The following BMP1 variants were observed in gnomAD, a reference collection of about 807,000 sequenced individuals.
The protein encoded by BMP1 is mammalian tolloid protein.
In BMP1, 63 loss-of-function variants were observed where a neutral mutation model predicts 116.8. The observed-to-expected ratio is 0.54, with a 90% confidence interval of 0.44 to 0.67. The LOEUF (loss-of-function observed/expected upper bound fraction) is 0.67, where lower values mean the gene tolerates loss of function less well. BMP1 is among the 30% of genes least tolerant of loss of function. BMP1 has a pLI of 0.00. For missense variants in BMP1, 1,183 were observed against 1,358.9 expected (o/e 0.87, Z 2.04); for synonymous variants, 536 against 533.4 (o/e 1.00, Z -0.07).
At chr8:22,199,351 AC>A (rs760342579) in intron 15 of BMP1, 2 of 1,318,780 alleles carry the variant, frequency 1.5e-6, no homozygotes, top group Non-Finnish European at 2.0e-6. Flanking sequence ...CTTCAGTCTG[AC>A]CCCTGCCACC....
intron 15 of BMP1, chr8:22,198,734 T>C (rs924843570): frequency 4.6e-5 from 9 of 195,132 alleles, no homozygotes; most frequent in African/African-American, 2.1e-4. Flanking sequence ...CCTGCACCCC[T>C]GCCTGACCCC....
At chr8:22,166,477 C>T (rs376146198) in intron 1 of BMP1, among the ~76,000 whole-genome samples, 1 of 152,212 alleles carries the variant, frequency 6.6e-6, no homozygotes, top group African/African-American at 2.4e-5. Context: ...GCCAGGCACT[C>T]GGGCCATTTG....
At chr8:22,195,695 G>A (rs1829065390) in intron 13 of BMP1, 108 bp downstream of exon 13, 3 of 1,464,908 alleles carry the variant, frequency 2.0e-6, no homozygotes, top group Non-Finnish European at 2.7e-6. Flanking sequence ...ACCCAGGCTG[G>A]AAGTACAGTG....
At chr8:22,180,578 C>A in intron 8 of BMP1, 95 bp downstream of exon 8, 1 of 1,125,572 alleles carries the variant, frequency 8.9e-7, no homozygotes. Context: ...TGGGTGCCAG[C>A]GACCTACCTG....
rs1475711729 is a variant in BMP1, at chr8:22,176,256, C to T, written c.376C>T (p.Pro126Ser). 1 of 1,613,584 alleles carries T rather than the reference C, an allele frequency of 6.2e-7. No homozygotes were observed. Among genetic ancestry groups the T allele is most frequent in the Non-Finnish European group, 8.5e-7 (1 of 1,179,772 alleles). Reference sequence around the variant, plus strand: ...TAGCCGGCGGGCGGCGACGTCCCGACCAGAGCGTGTGTGGCCCGATGGGGT... The same window carrying T: ...TAGCCGGCGGGCGGCGACGTCCCGATCAGAGCGTGTGTGGCCCGATGGGGT... ...SRSRRAATSR[P>S]ERVWPDGVIP... The change falls in exon 3 of 20, where the codon CCA becomes TCA. Residue 126 changes from proline to serine, a missense_variant. Physicochemically the swap from Pro to Ser is moderately conservative, Grantham distance 74. This residue lies in a region of BMP1 where 40 missense variants were observed against 47.5 expected (regional missense o/e 0.84). Transcript: ENST00000306385.
intron 15 of BMP1, chr8:22,201,151 G>GC: frequency 6.2e-7 from 1 of 1,603,244 alleles, no homozygotes; most frequent in East Asian, 2.3e-5. Flanking sequence ...CCTCGGGGAC[G>GC]CCCCCACCAG....
At position 22,211,640 on chromosome 8, in the gene BMP1, T is replaced by G. The variant is rs746961748; in HGVS notation, c.2873T>G (p.Phe958Cys). Residue 958 changes from phenylalanine (F) to cysteine (C), a missense_variant, in exon 20 of 20, where the codon TTC becomes TGC. Transcript: ENST00000306385. ...GCGGGAGATTCTGTCCTGGTGAAGT[T>G]CCACTCGGATGACACCATCACCAAA... ...YSAGDSVLVK[F>C]HSDDTITKKG... 1.9e-6 allele frequency: 3 copies of G among 1,614,128 alleles called. No homozygotes were observed. The Admixed American group carries it at 5.0e-5, about 27-fold the overall frequency.
rs527273697 is a variant in BMP1, at chr8:22,205,897, G to A, written c.2234-957G>A. 3.8e-4 allele frequency among the ~76,000 whole-genome samples: 58 copies of A among 152,366 alleles called. No individual in the cohort carries two copies. In the East Asian group the frequency reaches 0.011, roughly 28 times the overall value. On this transcript the variant is annotated intron_variant, in intron 16 of 19. Coordinates refer to ENST00000306385, the MANE Select transcript of BMP1 (RefSeq NM_006129.5). ...GATGTGTTTGTGATGTGAAGAAACAGTGGATGATGACAAAGCCCTCAAGGA... is the reference window on the plus strand; with the variant it reads ...GATGTGTTTGTGATGTGAAGAAACAATGGATGATGACAAAGCCCTCAAGGA...
At chr8:22,207,168 G>A (rs1184859080) in intron 17 of BMP1, 135 bp from the exon 18 acceptor site, 19 of 1,382,220 alleles carry the variant, frequency 1.4e-5, no homozygotes, top group Non-Finnish European at 1.9e-5. Flanking sequence ...CCTATTCCTG[G>A]GCCCTCCTTC....
chr8:22,184,458 A>G (rs1305216857), intron 8 of BMP1, among the ~76,000 whole-genome samples: 1 of 152,208 alleles, frequency 6.6e-6, no homozygotes, highest in Non-Finnish European at 1.5e-5. Context: ...AACTATAAAA[A>G]TTCCAGATTA....
chr8:22,211,857 C>CT lies in BMP1; in HGVS notation c.*130dup, dbSNP rs1374450163. 7.2e-7 allele frequency: 1 copy of CT among 1,396,296 alleles called. No homozygotes were observed. Among genetic ancestry groups the CT allele is most frequent in the Non-Finnish European group, 9.8e-7 (1 of 1,018,930 alleles). The allele number at this position is 1,396,296 out of a possible 1,614,324, so 86.5% of individuals were successfully genotyped here. A position where few individuals can be genotyped will look rare whatever the true frequency, so the allele number is the denominator to read the frequency against. On this transcript the variant is annotated 3_prime_UTR_variant, in exon 20 of 20. Coordinates refer to ENST00000306385, the MANE Select transcript of BMP1 (RefSeq NM_006129.5). ...CCCCAGGACCTGCAGGGCCAATGGC[C>CT]TGGTGAGACTGTCCATAGGAGGTGG... is the stretch of plus-strand genomic sequence containing the variant.
intron 9 of BMP1, chr8:22,192,414 T>A (rs1261557742): frequency 5.3e-6 from 2 of 378,632 alleles, no homozygotes; most frequent in Admixed American, 4.1e-5. Context: ...GCTGTCACCC[T>A]ACGGGTGCAA....
In BMP1 at chr8:22,209,431, C is replaced by T; in HGVS notation, c.2576-14C>T. 1 of 1,613,606 alleles carries T rather than the reference C, an allele frequency of 6.2e-7. No individual in the cohort carries two copies. The highest frequency in any genetic ancestry group is 8.5e-7 in the Non-Finnish European group (1 of 1,179,660). On this transcript the variant is annotated splice_polypyrimidine_tract_variant and intron_variant, in intron 18 of 19. Transcript: ENST00000306385. ...CGGTGCTCAGGGCTGGTTGGCCCCT[C>T]TTGTCCCCTACAGAGTGCGGGGGCC...
chr8:22,181,794 A>G (rs1828630160), intron 8 of BMP1, among the ~76,000 whole-genome samples: 1 of 151,972 alleles, frequency 6.6e-6, no homozygotes, highest in Non-Finnish European at 1.5e-5. Flanking sequence ...AGTTCAAGTG[A>G]TCCTCCTGGC....
intron 17 of BMP1, 132 bp downstream of exon 17, chr8:22,207,113 A>T: frequency 2.7e-6 from 4 of 1,455,040 alleles, no homozygotes; most frequent in Non-Finnish European, 3.7e-6. Flanking sequence ...TGGCCTGGAC[A>T]GAGGCCCCTT....
intron 8 of BMP1, among the ~76,000 whole-genome samples, chr8:22,188,547 G>C (rs778045856): frequency 6.6e-6 from 1 of 152,186 alleles, no homozygotes; most frequent in Non-Finnish European, 1.5e-5. Flanking sequence ...CGGAAGCGGT[G>C]GGGCAGGCCA....
chr8:22,196,058 ACT>A (rs1217550048), intron 13 of BMP1: 2 of 383,184 alleles, frequency 5.2e-6, no homozygotes, highest in Non-Finnish European at 1.0e-5. Flanking sequence ...CCGAGAACAC[ACT>A]GTCCCCCCGT....
chr8:22,180,113 A>C (rs1586444215), intron 7 of BMP1, among the ~76,000 whole-genome samples: 1 of 152,206 alleles, frequency 6.6e-6, no homozygotes, highest in East Asian at 1.9e-4. Flanking sequence ...AGCCCCACCA[A>C]GGGAGCTTGA....
At chr8:22,177,241 A>C (rs1453453851) in intron 5 of BMP1, 102 bp downstream of exon 5, 1 of 1,264,736 alleles carries the variant, frequency 7.9e-7, no homozygotes, top group Non-Finnish European at 1.1e-6. Context: ...GCCAGCCGTC[A>C]TCGCCTGGGC....
Sources: allele counts gnomAD v4.1 joint callset (sites outside exome capture counted in the v4.1 genomes callset), GRCh38; gene constraint gnomAD v4.1.1; regional missense constraint gnomAD v4.1.1; transcripts MANE v1.5; gene names NCBI Gene and HGNC (gene_info 2026-07-23, HGNC 2026-07-21).